Variants in ATP2B4 observed in about 807,000 individuals in gnomAD.
The protein encoded by ATP2B4 is ATPase plasma membrane Ca2+ transporting 4, also known as plasma membrane calcium-transporting ATPase 4.
Under a neutral mutation model 110.3 loss-of-function variants are expected in ATP2B4, and 39 were observed. That is an observed-to-expected ratio of 0.35 (90% confidence interval 0.27 to 0.46). ATP2B4 has a LOEUF of 0.46. Ranked by LOEUF, ATP2B4 falls within the 20% of genes least tolerant of loss-of-function variation. ATP2B4 has a pLI of 1.00. For missense variants in ATP2B4, 1,135 were observed against 1,530.9 expected (o/e 0.74, Z 4.32); for synonymous variants, 538 against 571.7 (o/e 0.94, Z 0.84).
intron 11 of ATP2B4, 91 bp downstream of exon 11, chr1:203,709,633 G>T: frequency 1.3e-5 from 21 of 1,571,332 alleles, no homozygotes; most frequent in Non-Finnish European, 1.5e-5. Flanking sequence ...TGTGAATGAG[G>T]GAGCCCTCCA....
intron 2 of ATP2B4, among the ~76,000 whole-genome samples, chr1:203,686,685 C>CTCT (rs1665193593): frequency 4.7e-5 from 2 of 42,776 alleles, no homozygotes; most frequent in East Asian, 2.2e-3. Context: ...TCTTTTCTTT[C>CTCT]TTTTTTTTTT....
chr1:203,687,996 TTA>T (rs1491197056), intron 2 of ATP2B4, among the ~76,000 whole-genome samples: 1 of 52,100 alleles, frequency 1.9e-5, no homozygotes, highest in Non-Finnish European at 3.6e-5. Flanking sequence ...GAGAAAGAGA[TTA>T]TTATTATTAT....
rs768063952 is a variant in ATP2B4 at position 203,716,273 on chromosome 1, A to G, written c.2406+1996A>G. On this transcript the variant is annotated intron_variant, in intron 15 of 20. Coordinates refer to ENST00000357681, the MANE Select transcript of ATP2B4 (RefSeq NM_001684.5). The stretch of plus-strand genomic sequence containing the variant: ...GATAAATCTATTTGCAGTCTTTCTT[A>G]TGCTCTCCCTCCCATGAGGAGTCAA... Among the ~76,000 whole-genome samples the G allele has an allele frequency of 1.2e-4, 17 of 145,132 alleles. 1 individual carries two copies. The highest frequency in any genetic ancestry group is 2.0e-4 in the Non-Finnish European group (13 of 65,118).
chr1:203,741,476 A>C lies in ATP2B4; in HGVS notation c.*1622A>C, dbSNP rs775705908. 6.6e-6 allele frequency: 1 copy of C among 152,532 alleles called. No individual in the cohort carries two copies. The highest frequency in any genetic ancestry group is 1.5e-5 in the Non-Finnish European group (1 of 68,042). 9.4% of individuals were successfully genotyped at this position (152,532 alleles called of 1,614,324 possible). Reference sequence around the variant, plus strand: ...TCCCTGCTGGTGTTGACTTCTGTGTAGGGGCCAGTTCATGTCCCTGACTCT... The same window carrying C: ...TCCCTGCTGGTGTTGACTTCTGTGTCGGGGCCAGTTCATGTCCCTGACTCT... On this transcript the variant is annotated 3_prime_UTR_variant, in exon 21 of 21. Coordinates refer to ENST00000357681, the MANE Select transcript of ATP2B4 (RefSeq NM_001684.5).
intron 11 of ATP2B4, among the ~76,000 whole-genome samples, chr1:203,709,925 G>C (rs1050266242): frequency 2.6e-5 from 4 of 152,174 alleles, no homozygotes; most frequent in African/African-American, 9.7e-5. Context: ...GCTCCTAAAA[G>C]TACTACCCCC....
intron 1 of ATP2B4, among the ~76,000 whole-genome samples, chr1:203,673,332 T>C (rs1664731160): frequency 6.6e-6 from 1 of 152,154 alleles, no homozygotes; most frequent in Admixed American, 6.5e-5. Context: ...GAACCACAGC[T>C]CTAAAACATT....
intron 1 of ATP2B4, among the ~76,000 whole-genome samples, chr1:203,664,067 T>C (rs903557103): frequency 3.3e-5 from 5 of 152,236 alleles, no homozygotes; most frequent in African/African-American, 1.2e-4. Context: ...CTGTCTATCT[T>C]AAAAGATTGT....
chr1:203,738,639 A>G (rs1478006592), intron 20 of ATP2B4, among the ~76,000 whole-genome samples: 3 of 152,142 alleles, frequency 2.0e-5, no homozygotes, highest in Admixed American at 2.0e-4. Context: ...CCTTCTCCAC[A>G]TAAGACTATG....
chr1:203,701,913 A>G (rs1216202942), intron 6 of ATP2B4, 131 bp from the exon 7 acceptor site: 60 of 852,950 alleles, frequency 7.0e-5, no homozygotes, highest in Middle Eastern at 6.9e-4. Context: ...CTTCCTTTAC[A>G]TTTATGTCCC....
At chr1:203,712,275 T>A in intron 13 of ATP2B4, 136 bp downstream of exon 13, 3 of 1,042,864 alleles carry the variant, frequency 2.9e-6, no homozygotes, top group Non-Finnish European at 4.1e-6. Flanking sequence ...CATCTCCTTG[T>A]ACCAAACTGC....
intron 17 of ATP2B4, 148 bp from the exon 18 acceptor site, chr1:203,722,330 T>C (rs900219413): frequency 2.9e-6 from 2 of 684,718 alleles, no homozygotes; most frequent in South Asian, 3.8e-5. Flanking sequence ...TGAGACCCTG[T>C]GTCAAAAAAA....
intron 2 of ATP2B4, among the ~76,000 whole-genome samples, chr1:203,689,979 T>G (rs1665315638): frequency 6.6e-6 from 1 of 152,218 alleles, no homozygotes; most frequent in African/African-American, 2.4e-5. Flanking sequence ...TGCTGAATAT[T>G]CCTGGCATAA....
intron 6 of ATP2B4, 54 bp downstream of exon 6, chr1:203,700,977 AG>A (rs1665674265): frequency 6.3e-7 from 1 of 1,575,402 alleles, no homozygotes; most frequent in Non-Finnish European, 8.6e-7. Context: ...TGGACAAACA[AG>A]GAAGCGAGGG....
chr1:203,690,818 G>A (rs1343066200), intron 2 of ATP2B4, among the ~76,000 whole-genome samples: 2 of 152,116 alleles, frequency 1.3e-5, no homozygotes, highest in African/African-American at 4.8e-5. Context: ...CAAATTTTGG[G>A]CAGATGGATT....
chr1:203,647,887 A>G (rs1296044109), intron 1 of ATP2B4, among the ~76,000 whole-genome samples: 1 of 152,186 alleles, frequency 6.6e-6, no homozygotes, highest in East Asian at 1.9e-4. Context: ...GGGATGAGAA[A>G]TCAGAGAGGG....
rs141099795 is a variant in ATP2B4 at position 203,658,551 on chromosome 1, AAAAG to A, written c.-464-24187_-464-24184del. On this transcript the variant is annotated intron_variant, in intron 1 of 20. Coordinates refer to ENST00000357681, the MANE Select transcript of ATP2B4 (RefSeq NM_001684.5). Reference sequence around the variant, plus strand: ...GTCTCAAAAAAAAAAGAAAAAAAGAAAAAGAAACGAAGACGGGATGATGAGCAAA... The same window carrying A: ...GTCTCAAAAAAAAAAGAAAAAAAGAAAAACGAAGACGGGATGATGAGCAAA... Among the ~76,000 whole-genome samples, 759 of 151,970 alleles carry A rather than the reference AAAAG, an allele frequency of 5.0e-3. 5 individuals carry two copies. The highest frequency in any genetic ancestry group is 0.016 in the African/African-American group (676 of 41,464).
Position 203,721,354 on chromosome 1 carries a change from A to G in ATP2B4, c.2756A>G (p.Asn919Ser). 1 of 1,614,164 alleles carries G rather than the reference A, an allele frequency of 6.2e-7. No individual in the cohort carries two copies. The highest frequency in any genetic ancestry group is 8.5e-7 in the Non-Finnish European group (1 of 1,180,036). ...KPLISRTMMKNILGHAFYQLI... is the reference protein window; with the variant it reads ...KPLISRTMMKSILGHAFYQLI... ...CTGATCTCACGCACTATGATGAAGA[A>G]CATCTTGGGCCATGCATTCTATCAG... The change falls in exon 17 of 21, where the codon AAC becomes AGC. Residue 919 changes from asparagine to serine, a missense_variant. This residue lies in a region of ATP2B4 where 155 missense variants were observed against 186.2 expected (regional missense o/e 0.83). Transcript: ENST00000357681.
intron 2 of ATP2B4, 61 bp from the exon 3 acceptor site, chr1:203,698,096 C>G (rs1665586412): frequency 2.7e-6 from 4 of 1,507,218 alleles, no homozygotes; most frequent in Non-Finnish European, 3.7e-6. Context: ...CACTTCAAAA[C>G]TGCCTTTTAT....
intron 1 of ATP2B4, among the ~76,000 whole-genome samples, chr1:203,640,093 G>A (rs925236872): frequency 6.6e-5 from 10 of 152,074 alleles, no homozygotes. Context: ...GACAAATAAG[G>A]TATTGTAGGT....
Sources: allele counts gnomAD v4.1 joint callset (sites outside exome capture counted in the v4.1 genomes callset), GRCh38; gene constraint gnomAD v4.1.1; regional missense constraint gnomAD v4.1.1; transcripts MANE v1.5; gene names NCBI Gene and HGNC (gene_info 2026-07-23, HGNC 2026-07-21).